Variants in ERAP1 observed in about 807,000 individuals in gnomAD.
ERAP1 encodes the protein endoplasmic reticulum aminopeptidase 1, also known as adipocyte-derived leucine aminopeptidase.
Under a neutral mutation model 103.7 loss-of-function variants are expected in ERAP1, and 86 were observed. The observed-to-expected ratio is 0.83, with a 90% CI of 0.70 to 0.99. The LOEUF is 0.99. Ranked by LOEUF, ERAP1 falls within the 50% of genes least tolerant of loss-of-function variation. ERAP1 has a pLI of 0.00. For missense variants in ERAP1, 1,009 were observed against 1,128.4 expected (o/e 0.89, Z 1.52); for synonymous variants, 398 against 402.4 (o/e 0.99, Z 0.13).
the ERAP1 span, among the ~76,000 whole-genome samples, chr5:96,920,141 T>C: frequency 1.3e-5 from 2 of 152,022 alleles, no homozygotes; most frequent in African/African-American, 2.4e-5. Context: ...CGAAACCGTT[T>C]CCACAAAAAA....
rs1308909600 is a variant in ERAP1, at chr5:96,781,870, C to T, written c.2286-16G>A. 2 of 1,613,066 alleles carry T rather than the reference C, an allele frequency of 1.2e-6. No individual in the cohort carries two copies. Among genetic ancestry groups the T allele is most frequent in the East Asian group, 4.5e-5 (2 of 44,888 alleles). On this transcript the variant is annotated splice_polypyrimidine_tract_variant and intron_variant, in intron 15 of 18. Coordinates refer to ENST00000443439, the MANE Select transcript of ERAP1 (RefSeq NM_001040458.3). ...GACAGGCAGGCTATAGAAAGGAACACACTCGGTGAGAATCTGAGGTGCAGT... is the reference window on the plus strand; with the variant it reads ...GACAGGCAGGCTATAGAAAGGAACATACTCGGTGAGAATCTGAGGTGCAGT...
At chr5:96,811,274 C>G (rs985806296), upstream of ERAP1, among the ~76,000 whole-genome samples, 3 of 152,110 alleles carry the variant, frequency 2.0e-5, no homozygotes, top group Non-Finnish European at 4.4e-5. Context: ...AAAGACTGTT[C>G]CAAAACAGGC....
At chr5:96,837,919 A>G in the ERAP1 span, among the ~76,000 whole-genome samples, 3 of 152,160 alleles carry the variant, frequency 2.0e-5, no homozygotes, top group African/African-American at 7.2e-5. Context: ...AAACTACGCC[A>G]TCAAGCCGTC....
chr5:96,934,813 G>A, the ERAP1 span: 1 of 152,000 alleles, frequency 6.6e-6, no homozygotes, highest in Admixed American at 6.6e-5. Context: ...GCGCAGTGAG[G>A]CGCAGCCCGA....
At chr5:96,764,063 C>G (rs1768954095) in intron 19 of ERAP1, among the ~76,000 whole-genome samples, 1 of 151,884 alleles carries the variant, frequency 6.6e-6, no homozygotes. Context: ...CTGGAAAGTT[C>G]TATACAGTAT....
At chr5:96,821,644 G>A in the ERAP1 span, among the ~76,000 whole-genome samples, 3 of 152,168 alleles carry the variant, frequency 2.0e-5, no homozygotes, top group Non-Finnish European at 2.9e-5. Context: ...CTCAGTGAAA[G>A]CTAATGAAAT....
At chr5:96,827,506 C>CA in the ERAP1 span, among the ~76,000 whole-genome samples, 14 of 150,926 alleles carry the variant, frequency 9.3e-5, no homozygotes, top group East Asian at 1.2e-3. Context: ...TGCTAAAATA[C>CA]AAAAAAAAAT....
the ERAP1 span, among the ~76,000 whole-genome samples, chr5:96,837,618 G>A: frequency 6.6e-6 from 1 of 152,190 alleles, no homozygotes; most frequent in Non-Finnish European, 1.5e-5. Flanking sequence ...GGAGGTACCT[G>A]CAACTCCTGA....
At chr5:96,893,299 C>T in the ERAP1 span, among the ~76,000 whole-genome samples, 6 of 152,144 alleles carry the variant, frequency 3.9e-5, no homozygotes, top group Non-Finnish European at 8.8e-5. Context: ...AAATATCATT[C>T]TGTTGTAGAA....
At chr5:96,817,729 A>G in the ERAP1 span, among the ~76,000 whole-genome samples, 1 of 152,226 alleles carries the variant, frequency 6.6e-6, no homozygotes, top group Non-Finnish European at 1.5e-5. Flanking sequence ...CTCTGCCACA[A>G]TTGCTGGCTC....
the ERAP1 span, among the ~76,000 whole-genome samples, chr5:96,869,979 T>C: frequency 6.6e-6 from 1 of 152,060 alleles, no homozygotes; most frequent in Admixed American, 6.5e-5. Context: ...AGCATAAAAG[T>C]CTAAAAAGAT....
At chr5:96,840,913 C>T in the ERAP1 span, among the ~76,000 whole-genome samples, 1 of 151,972 alleles carries the variant, frequency 6.6e-6, no homozygotes, top group Non-Finnish European at 1.5e-5. Flanking sequence ...ACCATGTTGG[C>T]CAGGATGGTC....
the ERAP1 span, among the ~76,000 whole-genome samples, chr5:96,891,207 A>C: frequency 6.6e-6 from 1 of 152,128 alleles, no homozygotes; most frequent in Non-Finnish European, 1.5e-5. Flanking sequence ...CTTTTAAAAA[A>C]TTATCTTTTT....
Position 96,803,503 on chromosome 5 carries a change from C to T in ERAP1, c.424G>A (p.Gly142Arg), listed in dbSNP as rs149653730. The change falls in exon 2 of 19, where the codon GGG becomes AGG. Residue 142 changes from glycine to arginine, a missense_variant. By Grantham distance (125) the Gly-to-Arg change is moderately radical. Around this residue, in one of 3 missense-constraint regions of ERAP1, gnomAD observed 392 missense variants for 455.2 expected, o/e 0.86. Transcript: ENST00000443439. ...TGAATGACAACTGTGTACGGGAGCCCGACAAGGAGGGGCTCGGGAGCCAGC... is the reference window on the plus strand; with the variant it reads ...TGAATGACAACTGTGTACGGGAGCCTGACAAGGAGGGGCTCGGGAGCCAGC... ...ALLAPEPLLV[G>R]LPYTVVIHYA... is the part of the protein sequence containing the mutation. The T allele has an allele frequency of 5.6e-6, 9 of 1,613,260 alleles. No individual in the cohort carries two copies. Among genetic ancestry groups the T allele is most frequent in the African/African-American group, 1.3e-5 (1 of 74,932 alleles).
intron 3 of ERAP1, among the ~76,000 whole-genome samples, chr5:96,797,871 T>A (rs1258630868): frequency 6.6e-6 from 1 of 152,158 alleles, no homozygotes; most frequent in East Asian, 1.9e-4. Flanking sequence ...AAAGCAAAAC[T>A]GAAATTGTGA....
the ERAP1 span, chr5:96,903,260 C>G: frequency 5.2e-6 from 4 of 774,080 alleles, no homozygotes; most frequent in Non-Finnish European, 8.0e-6. Flanking sequence ...TTATGACTCT[C>G]CCCAAACTTC....
the ERAP1 span, among the ~76,000 whole-genome samples, chr5:96,816,913 C>G: frequency 1.9e-4 from 29 of 152,166 alleles, no homozygotes; most frequent in African/African-American, 6.8e-4. Flanking sequence ...CCGGACCTCA[C>G]CAAACTCCAG....
the ERAP1 span, among the ~76,000 whole-genome samples, chr5:96,894,271 G>A: frequency 4.6e-5 from 7 of 152,092 alleles, no homozygotes; most frequent in Admixed American, 1.3e-4. Flanking sequence ...TATATTCACC[G>A]GTTTTCAAAT....
At chr5:96,762,367 A>G (rs749083095) in exon 20 of ERAP1, 7 of 1,593,422 alleles carry the variant, frequency 4.4e-6, no homozygotes, top group Non-Finnish European at 6.0e-6. Context: ...ACCCCGTGAT[A>G]CCTCGGTAAG....
Sources: allele counts gnomAD v4.1 joint callset (sites outside exome capture counted in the v4.1 genomes callset), GRCh38; gene constraint gnomAD v4.1.1; regional missense constraint gnomAD v4.1.1; transcripts MANE v1.5; gene names NCBI Gene and HGNC (gene_info 2026-07-23, HGNC 2026-07-21).